EXT2: variants seen among roughly 807,000 people sequenced by gnomAD.
The protein encoded by EXT2 is exostosin glycosyltransferase 2.
A neutral mutation model predicts 81.6 loss-of-function variants in EXT2; 53 were observed. The ratio of observed to expected loss-of-function variants is 0.65; its 90% CI spans 0.52 to 0.82. The LOEUF is 0.82. Among genes scored for constraint, EXT2 ranks in the 40% least tolerant of loss-of-function variants. EXT2 has a pLI of 0.00. For missense variants in EXT2, 774 were observed against 910.2 expected, an observed-to-expected ratio of 0.85 and a Z score of 1.93; for synonymous variants, 320 against 340.0, an observed-to-expected ratio of 0.94 and a Z score of 0.65.
At position 44,107,824 on chromosome 11, in the gene EXT2, ATT is replaced by A. The variant is rs1281662146; in HGVS notation, c.113_114del (p.Ile38SerfsTer17). The A allele has an allele frequency of 6.2e-7, 1 of 1,613,954 alleles. No individual in the cohort carries two copies. The highest frequency in any genetic ancestry group is 1.3e-5 in the African/African-American group (1 of 74,886). On this transcript the variant is annotated frameshift_variant, in exon 2 of 14. Coordinates refer to ENST00000533608, the MANE Select transcript of EXT2 (RefSeq NM_207122.2). LOFTEE classifies it high-confidence loss of function. ...TLFSIVLLGL[I>X]ATGMFQFWPH... is the part of the protein sequence containing the mutation. The stretch of plus-strand genomic sequence containing the variant: ...CTTCTCCATTGTCCTCCTGGGCCTC[ATT>A]GCCACTGGCATGTTTCAGTTTTGGC...
intron 4 of EXT2, among the ~76,000 whole-genome samples, chr11:44,122,459 A>T (rs1954332527): frequency 6.6e-6 from 1 of 152,182 alleles, no homozygotes; most frequent in Non-Finnish European, 1.5e-5. Context: ...CCTGTATGTG[A>T]TCTCGCCATC....
intron 10 of EXT2, among the ~76,000 whole-genome samples, chr11:44,228,658 G>A (rs1412067796): frequency 1.3e-5 from 2 of 152,094 alleles, no homozygotes; most frequent in Non-Finnish European, 2.9e-5. Flanking sequence ...GAGGAACAGC[G>A]CTCACTATAA....
At chr11:44,236,242 T>G in intron 12 of EXT2, 51 bp from the exon 13 acceptor site, 3 of 1,542,510 alleles carry the variant, frequency 1.9e-6, no homozygotes, top group Non-Finnish European at 2.7e-6. Flanking sequence ...AAGCATGATT[T>G]TATTGTCCTT....
At chr11:44,124,444 T>TACACACACACACACACACACAC (rs57261356) in intron 4 of EXT2, among the ~76,000 whole-genome samples, 9 of 145,040 alleles carry the variant, frequency 6.2e-5, no homozygotes, top group African/African-American at 2.3e-4. Context: ...GTTTCTCTCC[T>TACACACACACACACACACACAC]ACACACACAC....
rs138427002 is a variant in EXT2 at position 44,139,163 on chromosome 11, G to T, written c.1173+9025G>T. On this transcript the variant is annotated intron_variant, in intron 7 of 13. Transcript: ENST00000533608. The stretch of plus-strand genomic sequence containing the variant: ...GTGTGTGTGAGGATCAGAATGACTT[G>T]TAGGGAGATAAAAATCAGTGACTCT... 2.2e-4 allele frequency among the ~76,000 whole-genome samples: 31 copies of T among 140,060 alleles called. No individual in the cohort carries two copies. The East Asian group carries it at 5.9e-3, about 27-fold the overall frequency. The allele number at this position is 140,060 out of a possible 152,430, so 91.9% of individuals were successfully genotyped here. A position where few individuals can be genotyped will look rare whatever the true frequency, so the allele number is the denominator to read the frequency against.
chr11:44,169,090 C>G (rs551466411), intron 7 of EXT2, among the ~76,000 whole-genome samples: 2 of 151,780 alleles, frequency 1.3e-5, no homozygotes, highest in African/African-American at 4.8e-5. Flanking sequence ...CGTGGTGGTG[C>G]GTGCCTGTAA....
chr11:44,236,210 AAAG>A, intron 12 of EXT2, 80 bp from the exon 13 acceptor site: 1 of 1,222,118 alleles, frequency 8.2e-7, no homozygotes, highest in South Asian at 1.2e-5. Flanking sequence ...TTACAACACA[AAAG>A]AATGCAGTGT....
intron 7 of EXT2, among the ~76,000 whole-genome samples, chr11:44,153,785 C>T (rs1033309595): frequency 2.0e-5 from 3 of 151,886 alleles, no homozygotes; most frequent in African/African-American, 7.3e-5. Context: ...ATTTTTTTCT[C>T]TTTAGCTTGT....
intron 7 of EXT2, among the ~76,000 whole-genome samples, chr11:44,162,095 A>T (rs950518253): frequency 6.6e-6 from 1 of 152,202 alleles, no homozygotes; most frequent in African/African-American, 2.4e-5. Context: ...GAAGAAAAAA[A>T]GTATGTTGTT....
chr11:44,128,195 A>T (rs1194751425), intron 6 of EXT2, among the ~76,000 whole-genome samples: 1 of 152,198 alleles, frequency 6.6e-6, no homozygotes, highest in Non-Finnish European at 1.5e-5. Flanking sequence ...TGTGAGTAAC[A>T]TAGAGTCTCT....
In EXT2 at chr11:44,124,803, T is replaced by A. The variant is rs747151790; in HGVS notation, c.758T>A (p.Phe253Tyr). Residue 253 changes from phenylalanine to tyrosine, a missense_variant, in exon 5 of 14, where the codon TTC becomes TAC. Phe to Tyr is a conservative substitution (Grantham distance 22). Around this residue, in one of 2 missense-constraint regions of EXT2, gnomAD observed 626 missense variants for 670.5 expected, o/e 0.93. Transcript: ENST00000533608. Reference protein sequence around the residue: ...PEKGPGPRQYFLLSSQVGLHP... With the variant: ...PEKGPGPRQYYLLSSQVGLHP... ...TTCCCTTGTAGTCCACGGCAATACT[T>A]CCTCCTGTCATCTCAGGTGGGTCTC... 19 of 1,614,004 alleles carry A rather than the reference T, an allele frequency of 1.2e-5. No homozygotes were observed. The highest frequency in any genetic ancestry group is 1.7e-6 in the Non-Finnish European group (2 of 1,180,014).
chr11:44,122,653 T>C (rs1954335100), intron 4 of EXT2, among the ~76,000 whole-genome samples: 1 of 152,240 alleles, frequency 6.6e-6, no homozygotes, highest in South Asian at 2.1e-4. Flanking sequence ...GGAACCAGTC[T>C]GTACAGCTGA....
chr11:44,107,538 T>G (rs1035437963), intron 1 of EXT2, 145 bp from the exon 2 acceptor site: 75 of 738,682 alleles, frequency 1.0e-4, no homozygotes, highest in Non-Finnish European at 2.4e-5. Flanking sequence ...GAGCTGAGAT[T>G]GCACCACTGC....
intron 1 of EXT2, chr11:44,096,413 G>A (rs985090634): frequency 3.8e-6 from 5 of 1,306,388 alleles, no homozygotes; most frequent in East Asian, 2.5e-5. Context: ...CTAGATGGCC[G>A]GGGGCGTGTT....
intron 10 of EXT2, among the ~76,000 whole-genome samples, chr11:44,228,145 G>T (rs531956410): frequency 1.4e-4 from 21 of 152,254 alleles, no homozygotes; most frequent in Middle Eastern, 3.4e-3. Flanking sequence ...ACAGAGATAG[G>T]CTTCTGTCCC....
Position 44,197,816 on chromosome 11 carries a change from T to C in EXT2, c.1306-13T>C, listed in dbSNP as rs749657208. 6.2e-7 allele frequency: 1 copy of C among 1,613,832 alleles called. No individual in the cohort carries two copies. Among genetic ancestry groups the C allele is most frequent in the African/African-American group, 1.3e-5 (1 of 75,020 alleles). On this transcript the variant is annotated splice_polypyrimidine_tract_variant and intron_variant, in intron 8 of 13. Transcript: ENST00000533608. ...GCTGCTTTTCTGACCCGTGTTAATC[T>C]GTCCTCTTGTAGAAGTGGGGCAGCG...
At chr11:44,156,107 C>T (rs1954852166) in intron 7 of EXT2, among the ~76,000 whole-genome samples, 1 of 152,102 alleles carries the variant, frequency 6.6e-6, no homozygotes, top group African/African-American at 2.4e-5. Context: ...TATTTGAGCT[C>T]CTTTATATGT....
At chr11:44,130,587 T>G (rs954959048) in intron 7 of EXT2, among the ~76,000 whole-genome samples, 9 of 152,228 alleles carry the variant, frequency 5.9e-5, no homozygotes, top group Non-Finnish European at 4.4e-5. Context: ...CTGGAACATT[T>G]GCCATTTTCC....
intron 7 of EXT2, among the ~76,000 whole-genome samples, chr11:44,143,148 C>T (rs1954668351): frequency 6.6e-6 from 1 of 152,154 alleles, no homozygotes; most frequent in African/African-American, 2.4e-5. Context: ...GACAGGGTTT[C>T]ACTATGTTGA....
Sources: gnomAD v4.1 joint callset for allele counts (sites outside exome capture counted in the v4.1 genomes callset) on GRCh38, gnomAD v4.1.1 for gene constraint, gnomAD v4.1.1 regional missense constraint, MANE v1.5 for transcripts, NCBI Gene and HGNC (gene_info 2026-07-23, HGNC 2026-07-21) for gene names.